The following DLGAP1 variants were observed in gnomAD, a reference collection of about 807,000 sequenced individuals.
DLGAP1 encodes the protein DLG associated protein 1.
DLGAP1 carries 11 observed loss-of-function variants against 90.8 expected under a neutral mutation model. The observed-to-expected ratio is 0.12, with a 90% confidence interval of 0.08 to 0.20. The LOEUF (loss-of-function observed/expected upper bound fraction) is 0.20, where lower values mean the gene tolerates loss of function less well. Ranked by LOEUF, DLGAP1 falls within the 10% of genes least tolerant of loss-of-function variation. The probability of loss-of-function intolerance (pLI) is 1.00; values close to 1 mark genes in which losing one functional copy is unlikely to be tolerated. For missense variants in DLGAP1, 1,050 were observed against 1,333.8 expected (o/e 0.79, Z 3.31); for synonymous variants, 558 against 540.7 (o/e 1.03, Z -0.44).
In DLGAP1 at chr18:4,342,190, A is replaced by G. The variant is rs1483811376; in HGVS notation, c.-267+112816T>C. Among the ~76,000 whole-genome samples the G allele has an allele frequency of 6.6e-6, 1 of 152,182 alleles. No homozygotes were observed. The highest frequency in any genetic ancestry group is 1.5e-5 in the Non-Finnish European group (1 of 68,040). On this transcript the variant is annotated intron_variant, in intron 1 of 12. Transcript: ENST00000315677. The surrounding 1 kb of genome is among the most constrained non-coding windows in gnomAD (Gnocchi z 5.8). ...AAAGTGGTAGTCTCTTCTGACACCC[A>G]GTTTGGCAGTAGGGTGTTTCTAGAA...
intron 1 of DLGAP1, among the ~76,000 whole-genome samples, chr18:4,414,455 G>T (rs1208778777): frequency 6.6e-6 from 1 of 152,104 alleles, no homozygotes; most frequent in East Asian, 1.9e-4. Flanking sequence ...TGCGCATGCT[G>T]GTTCATGCCT....
chr18:3,550,432 C>A (rs1451747332), intron 9 of DLGAP1, among the ~76,000 whole-genome samples: 1 of 152,030 alleles, frequency 6.6e-6, no homozygotes, highest in Non-Finnish European at 1.5e-5. Flanking sequence ...GGCTATTTTG[C>A]TTAGGCTGGT....
At chr18:4,381,590 T>C (rs978989408) in intron 1 of DLGAP1, among the ~76,000 whole-genome samples, 1 of 152,174 alleles carries the variant, frequency 6.6e-6, no homozygotes, top group Non-Finnish European at 1.5e-5. Flanking sequence ...TTCCATGTTC[T>C]AGCAGATTAA....
intron 7 of DLGAP1, among the ~76,000 whole-genome samples, chr18:3,686,019 C>T (rs1347331304): frequency 6.6e-6 from 1 of 151,834 alleles, no homozygotes; most frequent in Non-Finnish European, 1.5e-5. Flanking sequence ...ACTAAAAATA[C>T]AGAAAAATTT....
At chr18:3,688,281 CAAATGTGAATTT>C (rs1252187737) in intron 7 of DLGAP1, among the ~76,000 whole-genome samples, 1 of 151,948 alleles carries the variant, frequency 6.6e-6, no homozygotes, top group Non-Finnish European at 1.5e-5. Context: ...TAATGGTTAT[CAAATGTGAATTT>C]CTTGATTCAT....
At chr18:3,731,185 TATATA>T (rs1263100659) in intron 6 of DLGAP1, among the ~76,000 whole-genome samples, 24 of 152,226 alleles carry the variant, frequency 1.6e-4, no homozygotes, top group Middle Eastern at 6.8e-3. Flanking sequence ...TATAGACATA[TATATA>T]ATATATGTAT....
intron 3 of DLGAP1, among the ~76,000 whole-genome samples, chr18:3,931,030 G>A (rs1212212696): frequency 6.6e-6 from 1 of 152,132 alleles, no homozygotes; most frequent in Non-Finnish European, 1.5e-5. Context: ...CCAGGAAGAC[G>A]GTAAGCTCCC....
rs1294101260 is a variant in DLGAP1 at position 3,579,235 on chromosome 18, A to G, written c.1965+2640T>C. 2.0e-5 allele frequency among the ~76,000 whole-genome samples: 3 copies of G among 152,080 alleles called. No homozygotes were observed. The South Asian group carries it at 6.2e-4, about 32-fold the overall frequency. The stretch of plus-strand genomic sequence containing the variant: ...AAAACGGTCTTTCTTTTTGAGATGG[A>G]ATTTTGCTCTTGTTGCCCCGACTTG... On this transcript the variant is annotated intron_variant, in intron 8 of 12. Coordinates refer to ENST00000315677, the MANE Select transcript of DLGAP1 (RefSeq NM_004746.4).
At chr18:3,832,923 T>C (rs1428103501) in intron 4 of DLGAP1, among the ~76,000 whole-genome samples, 3 of 152,198 alleles carry the variant, frequency 2.0e-5, no homozygotes, top group South Asian at 4.1e-4. Context: ...CCCACTTGTC[T>C]GTCAACTTTC....
rs58734431 is a variant in DLGAP1, at chr18:4,276,616, A to G, written c.-266-125329T>C. 2.7e-3 allele frequency among the ~76,000 whole-genome samples: 407 copies of G among 151,986 alleles called. 1 individual carries two copies. The highest frequency in any genetic ancestry group is 9.5e-3 in the African/African-American group (392 of 41,452). ...TCGCCACTGCACTCCAGCCTGGATG[A>G]CAGAGCAAGACACCAGCTTGAAAAA... On this transcript the variant is annotated intron_variant, in intron 1 of 12. Coordinates refer to ENST00000315677, the MANE Select transcript of DLGAP1 (RefSeq NM_004746.4).
chr18:3,896,540 T>A (rs1034960100), intron 3 of DLGAP1: 2 of 152,214 alleles, frequency 1.3e-5, no homozygotes, highest in Admixed American at 1.3e-4. Flanking sequence ...TGGGAATGCA[T>A]ACCATCAGGT....
intron 8 of DLGAP1, among the ~76,000 whole-genome samples, chr18:3,579,152 G>C (rs2055337334): frequency 6.6e-6 from 1 of 152,138 alleles, no homozygotes. Flanking sequence ...GTATAGTGAT[G>C]GTCACACAAC....
At chr18:4,301,431 C>T (rs2080123241) in intron 1 of DLGAP1, among the ~76,000 whole-genome samples, 1 of 152,138 alleles carries the variant, frequency 6.6e-6, no homozygotes, top group Non-Finnish European at 1.5e-5. Context: ...TAATATTCTC[C>T]AGTTCTATTC....
intron 1 of DLGAP1, among the ~76,000 whole-genome samples, chr18:4,161,110 T>C (rs925463886): frequency 6.6e-6 from 1 of 151,890 alleles, no homozygotes; most frequent in Non-Finnish European, 1.5e-5. Context: ...GGGGTACATG[T>C]GCAGGATGTG....
intron 4 of DLGAP1, among the ~76,000 whole-genome samples, chr18:3,823,534 A>G (rs1226526625): frequency 6.6e-6 from 1 of 152,134 alleles, no homozygotes; most frequent in African/African-American, 2.4e-5. Flanking sequence ...GTCTTACTCA[A>G]ATTTCTACAC....
chr18:3,819,559 TATC>T (rs2067291020), intron 4 of DLGAP1, among the ~76,000 whole-genome samples: 1 of 152,234 alleles, frequency 6.6e-6, no homozygotes, highest in Non-Finnish European at 1.5e-5. Flanking sequence ...CAATTACATT[TATC>T]ATGTCATGAG....
intron 10 of DLGAP1, among the ~76,000 whole-genome samples, chr18:3,518,427 A>T (rs1049346542): frequency 2.0e-5 from 3 of 152,212 alleles, no homozygotes; most frequent in African/African-American, 7.2e-5. Context: ...GAGAATTACC[A>T]AAGTCTGACA....
chr18:4,112,789 C>A (rs1299230496), intron 2 of DLGAP1, among the ~76,000 whole-genome samples: 1 of 152,012 alleles, frequency 6.6e-6, no homozygotes. Flanking sequence ...TCACCAGTGT[C>A]CATTTTTGCT....
intron 1 of DLGAP1, among the ~76,000 whole-genome samples, chr18:4,251,866 T>C (rs1001549432): frequency 1.3e-5 from 2 of 152,216 alleles, no homozygotes; most frequent in African/African-American, 4.8e-5. Context: ...TTCTAAGCCA[T>C]TCATCATTTA....
Sources: gnomAD v4.1 joint callset for allele counts (sites outside exome capture counted in the v4.1 genomes callset) on GRCh38, gnomAD v4.1.1 for gene constraint, Gnocchi (gnomAD v3.1) non-coding constraint, MANE v1.5 for transcripts, NCBI Gene and HGNC (gene_info 2026-07-23, HGNC 2026-07-21) for gene names.